Variants in LMNB1 observed in about 807,000 individuals in gnomAD.
LMNB1 encodes lamin B1, also known as lamin-B1.
A neutral mutation model predicts 67.1 loss-of-function variants in LMNB1; 23 were observed. The ratio of observed to expected loss-of-function variants is 0.34; its 90% CI spans 0.25 to 0.49. LMNB1 has a LOEUF of 0.49. Among genes scored for constraint, LMNB1 ranks in the 20% least tolerant of loss-of-function variants. LMNB1 has a pLI of 0.99. For missense variants in LMNB1, 634 were observed against 746.5 expected (o/e 0.85, Z 1.76); for synonymous variants, 281 against 282.9 (o/e 0.99, Z 0.07).
chr5:126,785,362 G>A (rs898850197), intron 1 of LMNB1, among the ~76,000 whole-genome samples: 1 of 150,094 alleles, frequency 6.7e-6, no homozygotes, highest in African/African-American at 2.5e-5. Flanking sequence ...CACGATCTCA[G>A]CTCACTACAG....
At chr5:126,805,901 T>G (rs969657250) in intron 3 of LMNB1, among the ~76,000 whole-genome samples, 1 of 152,236 alleles carries the variant, frequency 6.6e-6, no homozygotes, top group African/African-American at 2.4e-5. Context: ...ATTTGAGAAC[T>G]CAAGCTGTTA....
chr5:126,786,411 G>A (rs912579983), intron 1 of LMNB1, among the ~76,000 whole-genome samples: 1 of 152,100 alleles, frequency 6.6e-6, no homozygotes. Flanking sequence ...GTGAGCCACC[G>A]TTCCCGGCCA....
chr5:126,823,854 A>C (rs6595739), intron 8 of LMNB1, among the ~76,000 whole-genome samples: 5,847 of 152,312 alleles, frequency 0.038, 384 homozygotes, highest in African/African-American at 0.13. Flanking sequence ...AGTAATTACT[A>C]TAGTGAGAAA....
Position 126,777,634 on chromosome 5 carries a change from G to GT in LMNB1, c.126_127insT (p.Leu43SerfsTer32). The stretch of plus-strand genomic sequence containing the variant: ...AGGAGCTGCGCGAGCTCAATGACCG[G>GT]CTGGCGGTGTACATCGACAAGGTGC... On this transcript the variant is annotated frameshift_variant, in exon 1 of 11. Coordinates refer to ENST00000261366, the MANE Select transcript of LMNB1 (RefSeq NM_005573.4). LOFTEE classifies it high-confidence loss of function. 1 of 1,543,192 alleles carries GT rather than the reference G, an allele frequency of 6.5e-7. No homozygotes were observed. Among genetic ancestry groups the GT allele is most frequent in the Non-Finnish European group, 8.7e-7 (1 of 1,144,218 alleles).
intron 1 of LMNB1, among the ~76,000 whole-genome samples, chr5:126,802,767 C>T (rs1413712124): frequency 6.6e-6 from 1 of 152,144 alleles, no homozygotes; most frequent in African/African-American, 2.4e-5. Flanking sequence ...TAAGGCTTCT[C>T]TGTGTAACTA....
Position 126,836,557 on chromosome 5 carries a change from T to C in LMNB1, c.*293T>C. ...TTTTTGTATGTGTGTTTTTTCTTTT[T>C]TTTTAAGTTCTTATGAGGAGGGGAG... On this transcript the variant is annotated 3_prime_UTR_variant, in exon 11 of 11. Coordinates refer to ENST00000261366, the MANE Select transcript of LMNB1 (RefSeq NM_005573.4). The C allele has an allele frequency of 2.8e-6, 1 of 354,046 alleles. No individual in the cohort carries two copies. Among genetic ancestry groups the C allele is most frequent in the East Asian group, 4.3e-5 (1 of 23,232 alleles). The allele number at this position is 354,046 out of a possible 1,614,324, so 21.9% of individuals were successfully genotyped here.
At chr5:126,778,494 G>T (rs74745539) in intron 1 of LMNB1, among the ~76,000 whole-genome samples, 1,579 of 152,336 alleles carry the variant, frequency 0.01, 14 homozygotes, top group Non-Finnish European at 0.016. Flanking sequence ...CTTTAGGCGG[G>T]AGAGAGAGGC....
At chr5:126,820,077 G>A (rs933845320) in intron 6 of LMNB1, among the ~76,000 whole-genome samples, 2 of 152,110 alleles carry the variant, frequency 1.3e-5, no homozygotes, top group African/African-American at 4.8e-5. Flanking sequence ...GGGAGGTGGA[G>A]TTTGCAGTGA....
At chr5:126,820,822 C>A in intron 6 of LMNB1, 88 bp from the exon 7 acceptor site, 5 of 1,043,782 alleles carry the variant, frequency 4.8e-6, no homozygotes, top group Non-Finnish European at 7.0e-6. Flanking sequence ...GCCTCTGTGC[C>A]CAGCCCTTGT....
Position 126,832,750 on chromosome 5 carries a change from G to T in LMNB1, c.1668G>T (p.Glu556Asp), listed in dbSNP as rs755498842. 3.7e-6 allele frequency: 6 copies of T among 1,613,150 alleles called. No individual in the cohort carries two copies. Among genetic ancestry groups the T allele is most frequent in the Middle Eastern group, 3.3e-4 (2 of 6,058 alleles). The part of the protein sequence containing the change: ...FKTTIPEEEE[E>D]EEEAAGVVVE... ...CAACCATACCTGAAGAAGAGGAGGA[G>T]GAGGAAGAAGCAGCTGGAGTGGTTG... Residue 556 changes from glutamate to aspartate, a missense_variant, in exon 10 of 11, where the codon GAG (glutamate) becomes GAT (aspartate). Transcript: ENST00000261366.
At chr5:126,807,104 C>T (rs1021368657) in intron 3 of LMNB1, among the ~76,000 whole-genome samples, 3 of 152,144 alleles carry the variant, frequency 2.0e-5, no homozygotes, top group Admixed American at 6.5e-5. Context: ...TAAAATATCA[C>T]TTATAAGCCT....
chr5:126,829,425 T>G (rs72780212), intron 9 of LMNB1, among the ~76,000 whole-genome samples: 9,036 of 151,868 alleles, frequency 0.059, 303 homozygotes, highest in Middle Eastern at 0.095. Context: ...AGTTTATAGA[T>G]TGTTGCTAAC....
chr5:126,821,135 G>A lies in LMNB1; in HGVS notation c.1386G>A (p.Gln462=), dbSNP rs1580551902. The change falls in exon 7 of 11, where the codon CAG becomes CAA. Residue 462 remains glutamine (Q), a splice_region_variant and synonymous_variant. Transcript: ENST00000261366. ...KFIRLKNTSE[Q]DQPMGGWEMI... ...TCCGCTTGAAGAACACTTCTGAACA[G>A]GTAATAAAATAGACCCTTTTTTTTC... 6.2e-7 allele frequency: 1 copy of A among 1,603,946 alleles called. No homozygotes were observed. The highest frequency in any genetic ancestry group is 2.2e-5 in the East Asian group (1 of 44,814).
In LMNB1 at chr5:126,778,125, T is replaced by A. The variant is rs745556697; in HGVS notation, c.359+258T>A. 3.0e-4 allele frequency among the ~76,000 whole-genome samples: 46 copies of A among 151,850 alleles called. 1 individual carries two copies. The highest frequency in any genetic ancestry group is 6.2e-4 in the South Asian group (3 of 4,806). ...TAGATTTTGGATACCCGCTGGGACGTGGTAAGTGCGCGCCTGGGACTGCCG... is the reference window on the plus strand; with the variant it reads ...TAGATTTTGGATACCCGCTGGGACGAGGTAAGTGCGCGCCTGGGACTGCCG... On this transcript the variant is annotated intron_variant, in intron 1 of 10. Coordinates refer to ENST00000261366, the MANE Select transcript of LMNB1 (RefSeq NM_005573.4).
At chr5:126,814,137 C>T (rs56017187) in intron 5 of LMNB1, among the ~76,000 whole-genome samples, 31,212 of 152,078 alleles carry the variant, frequency 0.21, 3,345 homozygotes, top group East Asian at 0.3. Context: ...TTAGGTGATC[C>T]GCCCGCCTCA....
At chr5:126,819,265 C>A in intron 6 of LMNB1, 123 bp downstream of exon 6, 1 of 649,878 alleles carries the variant, frequency 1.5e-6, no homozygotes, top group Non-Finnish European at 2.6e-6. Context: ...CTTTGAACAC[C>A]TAGGTATAGA....
Position 126,812,824 on chromosome 5 carries a change from G to A in LMNB1, c.939+926G>A, listed in dbSNP as rs561123567. On this transcript the variant is annotated intron_variant, in intron 5 of 10. Coordinates refer to ENST00000261366, the MANE Select transcript of LMNB1 (RefSeq NM_005573.4). ...CGGCTCACTGTGAGCTCCGCCTCCC[G>A]GGTTCACGCCATTCTCCTGCCTCAG... Among the ~76,000 whole-genome samples, 53 of 147,702 alleles carry A rather than the reference G, an allele frequency of 3.6e-4. No homozygotes were observed. In the South Asian group the frequency reaches 0.011, roughly 30 times the overall value.
At chr5:126,815,153 A>G (rs780924550) in intron 5 of LMNB1, 15 of 152,178 alleles carry the variant, frequency 9.9e-5, no homozygotes, top group East Asian at 7.7e-4. Context: ...ATATTTTCCT[A>G]TTGTTTGTCT....
chr5:126,793,172 A>T (rs772546420), intron 1 of LMNB1, among the ~76,000 whole-genome samples: 1 of 152,172 alleles, frequency 6.6e-6, no homozygotes, highest in Non-Finnish European at 1.5e-5. Context: ...AATATTTTAC[A>T]CCCAGGTCAG....
Sources: gnomAD v4.1 joint callset for allele counts (sites outside exome capture counted in the v4.1 genomes callset) on GRCh38, gnomAD v4.1.1 for gene constraint, MANE v1.5 for transcripts, NCBI Gene and HGNC (gene_info 2026-07-23, HGNC 2026-07-21) for gene names.